The following NCOA1 variants were observed in gnomAD, a reference collection of about 807,000 sequenced individuals.
The protein encoded by NCOA1 is Hin-2 protein.
NCOA1 carries 35 observed loss-of-function variants against 150.9 expected under a neutral mutation model. The observed-to-expected ratio is 0.23, with a 90% CI of 0.18 to 0.31. The LOEUF (loss-of-function observed/expected upper bound fraction) is 0.31, where lower values mean the gene tolerates loss of function less well. Ranked by LOEUF, NCOA1 falls within the 10% of genes least tolerant of loss-of-function variation. The probability of loss-of-function intolerance (pLI) is 1.00; values close to 1 mark genes in which losing one functional copy is unlikely to be tolerated. For missense variants in NCOA1, 1,491 were observed against 1,749.3 expected, an observed-to-expected ratio of 0.85 and a Z score of 2.63; for synonymous variants, 590 against 630.0, an observed-to-expected ratio of 0.94 and a Z score of 0.95.
intron 1 of NCOA1, among the ~76,000 whole-genome samples, chr2:24,493,726 G>A (rs1663078701): frequency 6.6e-6 from 1 of 152,052 alleles, no homozygotes; most frequent in African/African-American, 2.4e-5. Flanking sequence ...TCAATTCCAG[G>A]GTTTCATTTC....
rs140906672 is a variant in NCOA1, at chr2:24,537,204, A to G, written c.-395-27091A>G. 1.9e-3 allele frequency among the ~76,000 whole-genome samples: 286 copies of G among 151,472 alleles called. 1 individual carries two copies. Among genetic ancestry groups the G allele is most frequent in the African/African-American group, 5.5e-3 (228 of 41,336 alleles). On this transcript the variant is annotated intron_variant, in intron 1 of 22. Coordinates refer to ENST00000348332, the MANE Select transcript of NCOA1 (RefSeq NM_003743.5). ...AGATACAGAAACAACCTAGGTGTCC[A>G]CTTATGGACAAATCAATAAGGTAAC...
chr2:24,663,569 G>A (rs567133390), intron 5 of NCOA1, among the ~76,000 whole-genome samples: 3 of 152,284 alleles, frequency 2.0e-5, no homozygotes, highest in Admixed American at 6.5e-5. Flanking sequence ...TAGCTAGAAG[G>A]TCTGCAATAT....
intron 3 of NCOA1, among the ~76,000 whole-genome samples, chr2:24,634,708 A>ACCCCCCCCCCC (rs530645429): frequency 3.8e-4 from 15 of 39,720 alleles, no homozygotes; most frequent in South Asian, 1.4e-3. Flanking sequence ...TAGGGGAGGA[A>ACCCCCCCCCCC]CCCCCCCCCC....
At chr2:24,631,234 T>A (rs998601922) in intron 3 of NCOA1, among the ~76,000 whole-genome samples, 1 of 152,184 alleles carries the variant, frequency 6.6e-6, no homozygotes, top group African/African-American at 2.4e-5. Flanking sequence ...TTAGTGTTAA[T>A]GGTTTATTTA....
At chr2:24,701,831 C>T (rs1045963343) in intron 11 of NCOA1, among the ~76,000 whole-genome samples, 5 of 152,118 alleles carry the variant, frequency 3.3e-5, no homozygotes, top group Non-Finnish European at 2.9e-5. Flanking sequence ...GCCAACATGG[C>T]GAAACCCTGT....
intron 1 of NCOA1, among the ~76,000 whole-genome samples, chr2:24,527,184 T>C (rs1173793610): frequency 6.6e-6 from 1 of 152,178 alleles, no homozygotes; most frequent in Non-Finnish European, 1.5e-5. Flanking sequence ...GCAGCTATCA[T>C]CTATCTACTC....
intron 3 of NCOA1, among the ~76,000 whole-genome samples, chr2:24,630,798 T>G (rs1159346685): frequency 6.6e-6 from 1 of 152,092 alleles, no homozygotes; most frequent in African/African-American, 2.4e-5. Context: ...AAATCACTTT[T>G]TTTAAAGTGA....
At position 24,757,957 on chromosome 2, in the gene NCOA1, G is replaced by A. The variant is rs755919500; in HGVS notation, c.3882-16G>A. On this transcript the variant is annotated splice_polypyrimidine_tract_variant and intron_variant, in intron 20 of 22. Coordinates refer to ENST00000348332, the MANE Select transcript of NCOA1 (RefSeq NM_003743.5). Reference sequence around the variant, plus strand: ...ATGATCAGTGGATGTAATCTGGATTGTTTTTGAGTTTACAGTGTGTTCAGT... The same window carrying A: ...ATGATCAGTGGATGTAATCTGGATTATTTTTGAGTTTACAGTGTGTTCAGT... 1.2e-6 allele frequency: 2 copies of A among 1,612,016 alleles called. No homozygotes were observed. Among genetic ancestry groups the A allele is most frequent in the African/African-American group, 1.3e-5 (1 of 74,978 alleles).
chr2:24,583,529 A>T (rs930692117), intron 2 of NCOA1, among the ~76,000 whole-genome samples: 1 of 152,198 alleles, frequency 6.6e-6, no homozygotes, highest in Non-Finnish European at 1.5e-5. Flanking sequence ...GTGTTTCAGC[A>T]ATCCCACTAC....
chr2:24,598,756 T>G (rs1039019934), intron 3 of NCOA1, among the ~76,000 whole-genome samples: 37 of 152,302 alleles, frequency 2.4e-4, no homozygotes, highest in African/African-American at 8.7e-4. Flanking sequence ...TTTTACATTT[T>G]TCTTTTTTTT....
chr2:24,602,392 G>C (rs1188403030), intron 3 of NCOA1, among the ~76,000 whole-genome samples: 1 of 151,924 alleles, frequency 6.6e-6, no homozygotes, highest in South Asian at 2.1e-4. Flanking sequence ...GTAGATATGG[G>C]GTCTCACCAT....
intron 1 of NCOA1, among the ~76,000 whole-genome samples, 154 bp from the exon 2 acceptor site, chr2:24,564,141 T>C (rs962429319): frequency 5.3e-5 from 8 of 152,230 alleles, no homozygotes; most frequent in African/African-American, 1.9e-4. Flanking sequence ...TTTAAAAACT[T>C]GTTAGTAGTG....
At chr2:24,531,651 C>G (rs1664907148) in intron 1 of NCOA1, among the ~76,000 whole-genome samples, 1 of 152,138 alleles carries the variant, frequency 6.6e-6, no homozygotes, top group Non-Finnish European at 1.5e-5. Flanking sequence ...GTGTCCTGCC[C>G]TGTGTCCAAG....
At chr2:24,634,780 T>C (rs1669868020) in intron 3 of NCOA1, among the ~76,000 whole-genome samples, 1 of 131,328 alleles carries the variant, frequency 7.6e-6, no homozygotes, top group African/African-American at 2.9e-5. Flanking sequence ...GGCACAATTA[T>C]AGCTTGCAGC....
chr2:24,542,244 CTT>C (rs1665428347), intron 1 of NCOA1, among the ~76,000 whole-genome samples: 1 of 126,552 alleles, frequency 7.9e-6, no homozygotes, highest in South Asian at 2.8e-4. Context: ...AAATTGAAGA[CTT>C]TAACTTTTAA....
At chr2:24,750,556 T>C (rs891638479) in intron 19 of NCOA1, among the ~76,000 whole-genome samples, 2 of 152,200 alleles carry the variant, frequency 1.3e-5, no homozygotes, top group Non-Finnish European at 2.9e-5. Context: ...AACATTATGC[T>C]AAGTGAATGC....
intron 3 of NCOA1, among the ~76,000 whole-genome samples, chr2:24,632,823 AG>A (rs994980078): frequency 7.9e-5 from 12 of 152,210 alleles, no homozygotes; most frequent in Admixed American, 2.6e-4. Context: ...GCATTAGAAA[AG>A]GGGAGCCAGG....
chr2:24,653,671 C>G (rs1449927841), intron 4 of NCOA1, among the ~76,000 whole-genome samples: 1 of 152,066 alleles, frequency 6.6e-6, no homozygotes, highest in African/African-American at 2.4e-5. Context: ...ATAATTGTAA[C>G]TTATAGCACA....
intron 19 of NCOA1, among the ~76,000 whole-genome samples, chr2:24,750,221 G>T (rs1664146783): frequency 6.6e-6 from 1 of 152,158 alleles, no homozygotes; most frequent in Non-Finnish European, 1.5e-5. Flanking sequence ...CAGAATTTCA[G>T]CATGCTTTTT....
Sources: gnomAD v4.1 joint callset for allele counts (sites outside exome capture counted in the v4.1 genomes callset) on GRCh38, gnomAD v4.1.1 for gene constraint, MANE v1.5 for transcripts, NCBI Gene and HGNC (gene_info 2026-07-23, HGNC 2026-07-21) for gene names.